Variants in CALN1 observed in about 807,000 individuals in gnomAD.
The protein encoded by CALN1 is calneuron 1.
A neutral mutation model predicts 30.6 loss-of-function variants in CALN1; 17 were observed. The observed-to-expected ratio is 0.56, with a 90% CI of 0.38 to 0.83. The LOEUF is 0.83. Among genes scored for constraint, CALN1 ranks in the 40% least tolerant of loss-of-function variants. CALN1 has a pLI of 0.00. For synonymous variants in CALN1, 156 were observed against 131.4 expected, an observed-to-expected ratio of 1.19 and a Z score of -1.28; for missense variants, 291 against 354.9, an observed-to-expected ratio of 0.82 and a Z score of 1.45.
the CALN1 span, among the ~76,000 whole-genome samples, chr7:72,471,299 T>C: frequency 1.3e-5 from 2 of 152,170 alleles, no homozygotes; most frequent in African/African-American, 4.8e-5. Context: ...TACCCCTAGG[T>C]TGAGACAGGT....
intron 2 of CALN1, among the ~76,000 whole-genome samples, chr7:72,356,429 T>G (rs1458062304): frequency 6.6e-6 from 1 of 151,964 alleles, no homozygotes; most frequent in Admixed American, 6.6e-5. Flanking sequence ...CTAAGGTCCT[T>G]GCAACTTTAG....
intron 4 of CALN1, among the ~76,000 whole-genome samples, chr7:72,027,919 C>T (rs1317895358): frequency 1.4e-4 from 20 of 147,576 alleles, no homozygotes; most frequent in East Asian, 6.2e-4. Flanking sequence ...ATTAGCCGGG[C>T]GTGGTGGCGG....
intron 2 of CALN1, among the ~76,000 whole-genome samples, chr7:72,342,871 C>T (rs1377954179): frequency 1.3e-5 from 2 of 152,016 alleles, no homozygotes; most frequent in African/African-American, 4.8e-5. Context: ...AAAAATCATT[C>T]AAAAAATACA....
chr7:72,275,502 A>G (rs1036770378), intron 3 of CALN1, among the ~76,000 whole-genome samples: 1 of 152,216 alleles, frequency 6.6e-6, no homozygotes, highest in South Asian at 2.1e-4. Context: ...AGGAACAGTC[A>G]TAACTCAGTG....
chr7:71,977,468 G>A (rs766008435), intron 5 of CALN1, among the ~76,000 whole-genome samples: 3 of 152,092 alleles, frequency 2.0e-5, no homozygotes, highest in Admixed American at 6.5e-5. Context: ...AAATGAAAAC[G>A]TGAGTTTGAT....
At chr7:72,368,634 A>C (rs572899052) in intron 2 of CALN1, among the ~76,000 whole-genome samples, 52 of 152,196 alleles carry the variant, frequency 3.4e-4, no homozygotes, top group African/African-American at 1.2e-3. Context: ...AAACCATCAG[A>C]TCATACGGAG....
chr7:72,089,015 G>A (rs1357647622), intron 4 of CALN1, among the ~76,000 whole-genome samples: 1 of 152,148 alleles, frequency 6.6e-6, no homozygotes, highest in East Asian at 1.9e-4. Flanking sequence ...AACGAGTTAA[G>A]TATAGCTGAG....
At chr7:72,151,621 C>G (rs1787257108) in intron 3 of CALN1, among the ~76,000 whole-genome samples, 1 of 152,146 alleles carries the variant, frequency 6.6e-6, no homozygotes, top group Admixed American at 6.6e-5. Flanking sequence ...TCTCCCACAT[C>G]CTGCTCTCAG....
At chr7:72,189,486 G>GT (rs1232336028) in intron 3 of CALN1, among the ~76,000 whole-genome samples, 2 of 152,192 alleles carry the variant, frequency 1.3e-5, no homozygotes, top group African/African-American at 4.8e-5. Flanking sequence ...GCTGGGCATG[G>GT]TGGCTCACGC....
At chr7:72,314,246 C>T (rs563860972) in intron 2 of CALN1, among the ~76,000 whole-genome samples, 16 of 152,094 alleles carry the variant, frequency 1.1e-4, no homozygotes, top group Non-Finnish European at 1.8e-4. Flanking sequence ...TGCTTTCCAG[C>T]ACTTTCCCAG....
At chr7:72,323,172 A>G (rs1055613394) in intron 2 of CALN1, among the ~76,000 whole-genome samples, 2 of 151,736 alleles carry the variant, frequency 1.3e-5, no homozygotes, top group Admixed American at 1.3e-4. Flanking sequence ...GAGGACTCAG[A>G]GTGTGCTGTG....
At chr7:71,802,357 C>A (rs559056390) in intron 6 of CALN1, among the ~76,000 whole-genome samples, 2 of 152,276 alleles carry the variant, frequency 1.3e-5, no homozygotes, top group Admixed American at 6.5e-5. Flanking sequence ...ATGGGTGGAA[C>A]TGAGGCAAAA....
At chr7:72,400,881 T>C (rs992654662) in intron 2 of CALN1, among the ~76,000 whole-genome samples, 6 of 152,128 alleles carry the variant, frequency 3.9e-5, no homozygotes, top group African/African-American at 1.4e-4. Flanking sequence ...GCAACCAATA[T>C]GGCTCTGGGA....
intron 2 of CALN1, among the ~76,000 whole-genome samples, chr7:72,346,739 C>T (rs577029023): frequency 6.6e-6 from 1 of 152,236 alleles, no homozygotes; most frequent in East Asian, 1.9e-4. Context: ...TGGTCTCGAA[C>T]TCCTGACCTC....
intron 4 of CALN1, among the ~76,000 whole-genome samples, chr7:72,079,353 A>G (rs1428674614): frequency 6.6e-6 from 1 of 152,220 alleles, no homozygotes; most frequent in Non-Finnish European, 1.5e-5. Context: ...TATTCCCACT[A>G]GAATATAAAC....
intron 1 of CALN1, among the ~76,000 whole-genome samples, chr7:72,442,898 G>A (rs908527823): frequency 2.1e-5 from 3 of 142,248 alleles, no homozygotes; most frequent in African/African-American, 7.9e-5. Flanking sequence ...TAAGGGTTGT[G>A]CTTATTTAGG....
intron 4 of CALN1, among the ~76,000 whole-genome samples, chr7:72,079,137 A>G (rs192115193): frequency 6.6e-6 from 1 of 152,324 alleles, no homozygotes; most frequent in East Asian, 1.9e-4. Context: ...TCAAGGATGC[A>G]AAGCTCACAA....
intron 3 of CALN1, among the ~76,000 whole-genome samples, chr7:72,255,638 A>T (rs2129552382): frequency 7.2e-6 from 1 of 139,020 alleles, no homozygotes; most frequent in East Asian, 2.2e-4. Context: ...CTGGTCTTGA[A>T]CTCCTGACCT....
chr7:72,058,004 A>C (rs1803380641), intron 4 of CALN1, among the ~76,000 whole-genome samples: 1 of 152,216 alleles, frequency 6.6e-6, no homozygotes, highest in Non-Finnish European at 1.5e-5. Flanking sequence ...GCAGAAGTTA[A>C]AATGTCACTT....
Sources: gnomAD v4.1 joint callset for allele counts (sites outside exome capture counted in the v4.1 genomes callset) on GRCh38, gnomAD v4.1.1 for gene constraint, MANE v1.5 for transcripts, NCBI Gene and HGNC (gene_info 2026-07-23, HGNC 2026-07-21) for gene names.